The following ADAMTSL1 variants were observed in gnomAD, a reference collection of about 807,000 sequenced individuals.
ADAMTSL1 encodes ADAMTS-like protein 1.
In ADAMTSL1, 126 loss-of-function variants were observed where a neutral mutation model predicts 201.8. That is an observed-to-expected ratio of 0.62 (90% confidence interval 0.54 to 0.72). The LOEUF (loss-of-function observed/expected upper bound fraction) is 0.72. Ranked by LOEUF, ADAMTSL1 falls within the 30% of genes least tolerant of loss-of-function variation. The probability of loss-of-function intolerance (pLI) is 0.00; values close to 1 mark genes in which losing one functional copy is unlikely to be tolerated. For synonymous variants in ADAMTSL1, 1,121 were observed against 903.4 expected, an observed-to-expected ratio of 1.24 and a Z score of -4.32; for missense variants, 2,679 against 2,277.8, an observed-to-expected ratio of 1.18 and a Z score of -3.59.
intron 2 of ADAMTSL1, among the ~76,000 whole-genome samples, chr9:18,509,543 T>G (rs1404523564): frequency 6.6e-6 from 1 of 152,202 alleles, no homozygotes; most frequent in Non-Finnish European, 1.5e-5. Context: ...GTTGGCTGGA[T>G]GTTGGCTGAT....
chr9:18,365,686 G>A (rs184970095), intron 2 of ADAMTSL1, among the ~76,000 whole-genome samples: 1 of 152,148 alleles, frequency 6.6e-6, no homozygotes, highest in East Asian at 1.9e-4. Flanking sequence ...AGGGAAAAGA[G>A]TGTGAGAGAA....
At chr9:18,837,090 T>G (rs1407029272) in intron 23 of ADAMTSL1, among the ~76,000 whole-genome samples, 1 of 152,168 alleles carries the variant, frequency 6.6e-6, no homozygotes, top group Admixed American at 6.5e-5. Flanking sequence ...TGGGATGCCT[T>G]TTATTTCTTT....
intron 7 of ADAMTSL1, among the ~76,000 whole-genome samples, chr9:18,650,948 G>T (rs887272025): frequency 2.0e-5 from 3 of 152,176 alleles, no homozygotes; most frequent in African/African-American, 7.2e-5. Flanking sequence ...GATTAAATGA[G>T]ATAATGTATA....
At chr9:18,850,475 G>T (rs1826423725) in intron 23 of ADAMTSL1, among the ~76,000 whole-genome samples, 1 of 152,218 alleles carries the variant, frequency 6.6e-6, no homozygotes, top group African/African-American at 2.4e-5. Flanking sequence ...AGAAGAGAGG[G>T]CAGGATTATG....
intron 15 of ADAMTSL1, among the ~76,000 whole-genome samples, chr9:18,727,937 G>A (rs891651446): frequency 7.9e-5 from 12 of 151,950 alleles, no homozygotes; most frequent in Non-Finnish European, 1.5e-5. Flanking sequence ...AAAATTGGTC[G>A]GGTGTGGTGG....
chr9:17,946,482 A>C (rs886913937), intron 1 of ADAMTSL1, among the ~76,000 whole-genome samples: 23 of 152,272 alleles, frequency 1.5e-4, no homozygotes, highest in East Asian at 5.8e-4. Context: ...ATTCTTTACT[A>C]AACATTTTTG....
intron 2 of ADAMTSL1, among the ~76,000 whole-genome samples, chr9:18,515,487 A>G (rs571810921): frequency 5.2e-4 from 79 of 152,182 alleles, no homozygotes; most frequent in Non-Finnish European, 1.0e-3. Context: ...GGCATGAGCA[A>G]TCATGCCTGG....
chr9:18,523,643 T>G lies in ADAMTSL1; in HGVS notation c.192-9604T>G, dbSNP rs1297585337. On this transcript the variant is annotated intron_variant, in intron 2 of 28. Coordinates refer to ENST00000380548, the MANE Select transcript of ADAMTSL1 (RefSeq NM_001040272.6). ...ATAAGGTGTAAGGAAGGGATCCAGTTTCAGCTTTCTACATATGGCTAGCCA... is the reference window on the plus strand; with the variant it reads ...ATAAGGTGTAAGGAAGGGATCCAGTGTCAGCTTTCTACATATGGCTAGCCA... Among the ~76,000 whole-genome samples, 6 of 150,130 alleles carry G rather than the reference T, an allele frequency of 4.0e-5. No individual in the cohort carries two copies. The East Asian group carries it at 5.9e-4, about 15-fold the overall frequency.
chr9:18,353,874 C>G (rs951793012), intron 2 of ADAMTSL1, among the ~76,000 whole-genome samples: 1 of 151,986 alleles, frequency 6.6e-6, no homozygotes, highest in East Asian at 1.9e-4. Flanking sequence ...TACATACATA[C>G]TGCAGAAAAC....
chr9:18,328,535 T>A (rs1586903263), intron 2 of ADAMTSL1, among the ~76,000 whole-genome samples: 1 of 152,288 alleles, frequency 6.6e-6, no homozygotes, highest in African/African-American at 2.4e-5. Flanking sequence ...ATGAGGAAAT[T>A]GAGGCATGGA....
intron 1 of ADAMTSL1, among the ~76,000 whole-genome samples, chr9:18,086,219 C>T (rs985994688): frequency 9.9e-5 from 15 of 152,164 alleles, no homozygotes; most frequent in African/African-American, 3.6e-4. Context: ...CAGAGTGAAG[C>T]AGGCACAAGA....
intron 2 of ADAMTSL1, among the ~76,000 whole-genome samples, chr9:18,435,438 C>G (rs1819684330): frequency 6.6e-6 from 1 of 152,152 alleles, no homozygotes; most frequent in Admixed American, 6.5e-5. Flanking sequence ...TGTTCAAATA[C>G]TCACACAAAT....
chr9:18,169,433 T>G (rs2132117585), intron 2 of ADAMTSL1, among the ~76,000 whole-genome samples: 1 of 152,254 alleles, frequency 6.6e-6, no homozygotes, highest in Non-Finnish European at 1.5e-5. Flanking sequence ...ATCAGATAGT[T>G]GTAGATATGT....
intron 1 of ADAMTSL1, among the ~76,000 whole-genome samples, chr9:18,152,679 G>A (rs1479204274): frequency 5.3e-5 from 8 of 151,916 alleles, no homozygotes; most frequent in African/African-American, 1.9e-4. Flanking sequence ...ATAAGAGGGT[G>A]ATGACTGAGG....
intron 1 of ADAMTSL1, among the ~76,000 whole-genome samples, chr9:17,959,390 C>G (rs1037476849): frequency 6.6e-6 from 1 of 152,176 alleles, no homozygotes; most frequent in African/African-American, 2.4e-5. Flanking sequence ...CCTCTACCCA[C>G]AGCTTTACTG....
intron 1 of ADAMTSL1, among the ~76,000 whole-genome samples, chr9:18,026,963 C>G (rs1820723378): frequency 6.6e-6 from 1 of 151,910 alleles, no homozygotes; most frequent in South Asian, 2.1e-4. Context: ...AGGAATTTAC[C>G]CATTTCCTCT....
chr9:18,644,903 A>G (rs1160651521), intron 7 of ADAMTSL1, among the ~76,000 whole-genome samples: 2 of 151,730 alleles, frequency 1.3e-5, no homozygotes, highest in African/African-American at 4.8e-5. Context: ...GTATATACCC[A>G]GTAATGGGAT....
At chr9:18,534,356 C>T (rs533618803) in intron 3 of ADAMTSL1, among the ~76,000 whole-genome samples, 1 of 152,086 alleles carries the variant, frequency 6.6e-6, no homozygotes, top group East Asian at 1.9e-4. Context: ...TAGCAAAACC[C>T]TGTCTCTTAT....
rs139825837 is a variant in ADAMTSL1, at chr9:18,344,527, C to T, written c.208-160302C>T. 1.2e-3 allele frequency among the ~76,000 whole-genome samples: 179 copies of T among 152,164 alleles called. 1 individual carries two copies. The highest frequency in any genetic ancestry group is 4.1e-3 in the African/African-American group (171 of 41,538). On this transcript the variant is annotated intron_variant, in intron 2 of 29. Coordinates refer to the ADAMTSL1 transcript ENST00000680146. ...TTTTAAATTTGGAAACCTTTAAGTG[C>T]ACAATACACATGTGAGATTCACAAA... is the stretch of plus-strand genomic sequence containing the variant.
Sources: gnomAD v4.1 joint callset for allele counts (sites outside exome capture counted in the v4.1 genomes callset) on GRCh38, gnomAD v4.1.1 for gene constraint, MANE v1.5 for transcripts, NCBI Gene and HGNC (gene_info 2026-07-23, HGNC 2026-07-21) for gene names.